Variants in GPHN observed in about 807,000 individuals in gnomAD.
GPHN encodes the protein gephyrin.
In GPHN, 17 loss-of-function variants were observed where a neutral mutation model predicts 95.5. That is an observed-to-expected ratio of 0.18 (90% CI 0.12 to 0.27). The LOEUF (loss-of-function observed/expected upper bound fraction) is 0.27, where lower values mean the gene tolerates loss of function less well. GPHN is among the 10% of genes least tolerant of loss of function. The pLI is 1.00. For synonymous variants in GPHN, 320 were observed against 322.5 expected, an observed-to-expected ratio of 0.99 and a Z score of 0.08; for missense variants, 660 against 978.1, an observed-to-expected ratio of 0.67 and a Z score of 4.34.
chr14:67,511,326 T>C, the GPHN span, among the ~76,000 whole-genome samples: 1 of 149,254 alleles, frequency 6.7e-6, no homozygotes, highest in Non-Finnish European at 1.5e-5. Flanking sequence ...CCTACATTAA[T>C]TGACAGCTGA....
At chr14:66,595,787 C>T in intron 1 of GPHN, among the ~76,000 whole-genome samples, 1 of 127,816 alleles carries the variant, frequency 7.8e-6, no homozygotes, top group African/African-American at 4.3e-5. Context: ...TACAGCTCTT[C>T]TCTCCTTCTT....
chr14:66,575,627 T>C (rs2060870759), intron 1 of GPHN, among the ~76,000 whole-genome samples: 1 of 152,166 alleles, frequency 6.6e-6, no homozygotes, highest in Non-Finnish European at 1.5e-5. Flanking sequence ...CCTGAGCTCA[T>C]AGGAGCCTGC....
At chr14:67,046,681 G>A (rs1339772265) in intron 10 of GPHN, among the ~76,000 whole-genome samples, 1 of 151,860 alleles carries the variant, frequency 6.6e-6, no homozygotes, top group East Asian at 1.9e-4. Context: ...TGCTTTTTTG[G>A]TTTTGTCAGA....
intron 2 of GPHN, among the ~76,000 whole-genome samples, chr14:66,745,907 A>G (rs970971191): frequency 2.3e-4 from 35 of 152,028 alleles, no homozygotes; most frequent in Admixed American, 2.0e-3. Flanking sequence ...TTACATCACT[A>G]TAGTTTGTGT....
intron 1 of GPHN, among the ~76,000 whole-genome samples, chr14:66,563,096 A>G (rs17780370): frequency 0.019 from 2,911 of 152,170 alleles, 38 homozygotes; most frequent in Middle Eastern, 0.034. Context: ...CCTTTAAGGG[A>G]TTTTATTGGT....
chr14:67,226,955 T>C, the GPHN span, among the ~76,000 whole-genome samples: 1 of 152,210 alleles, frequency 6.6e-6, no homozygotes, highest in Non-Finnish European at 1.5e-5. Context: ...CTCTGCCATC[T>C]TTCAATATAA....
intron 2 of GPHN, among the ~76,000 whole-genome samples, chr14:66,757,225 G>C (rs897853323): frequency 3.9e-5 from 6 of 152,052 alleles, no homozygotes; most frequent in Non-Finnish European, 7.4e-5. Flanking sequence ...CCAAGAACTA[G>C]AAGTATTTAT....
intron 4 of GPHN, among the ~76,000 whole-genome samples, chr14:66,861,110 A>T (rs2063005959): frequency 6.6e-6 from 1 of 152,104 alleles, no homozygotes. Context: ...ATGAAAAAAC[A>T]AGACTCAATG....
chr14:66,856,881 T>C (rs1350516754), intron 4 of GPHN, among the ~76,000 whole-genome samples: 1 of 152,100 alleles, frequency 6.6e-6, no homozygotes, highest in Non-Finnish European at 1.5e-5. Flanking sequence ...TCTTGATGTA[T>C]GCCAAAAAGA....
intron 12 of GPHN, among the ~76,000 whole-genome samples, chr14:67,095,836 A>G (rs1431741861): frequency 5.3e-5 from 8 of 151,636 alleles, no homozygotes; most frequent in Admixed American, 3.3e-4. Flanking sequence ...GCTAAATGAC[A>G]AGTTAATGGG....
rs1164432414 is a variant in GPHN, at chr14:66,522,744, T to G, written c.64+14153T>G. 5.3e-5 allele frequency among the ~76,000 whole-genome samples: 8 copies of G among 152,124 alleles called. No individual in the cohort carries two copies. In the Middle Eastern group the frequency reaches 0.017, roughly 323 times the overall value. ...GAAAATTAATTATTTTACCCTGGAT[T>G]TACCTTTAAAATATATAATTTTTTT... On this transcript the variant is annotated intron_variant, in intron 1 of 22. Coordinates refer to ENST00000478722, the MANE Select transcript of GPHN (RefSeq NM_020806.5).
chr14:67,724,819 C>A, the GPHN span, among the ~76,000 whole-genome samples: 828 of 152,302 alleles, frequency 5.4e-3, 5 homozygotes, highest in East Asian at 0.014. Flanking sequence ...AAAACGATGT[C>A]TGTGTATAGC....
chr14:66,827,363 G>A (rs2061424165), intron 4 of GPHN, among the ~76,000 whole-genome samples: 1 of 151,914 alleles, frequency 6.6e-6, no homozygotes, highest in African/African-American at 2.4e-5. Context: ...TATCACTCAG[G>A]AAATTCCCAA....
At chr14:67,122,209 A>G (rs375355785) in intron 16 of GPHN, 47 bp from the exon 17 acceptor site, 16 of 1,598,934 alleles carry the variant, frequency 1.0e-5, no homozygotes, top group Non-Finnish European at 1.4e-5. Flanking sequence ...AGAAATATGC[A>G]ACATTAACCT....
At chr14:66,671,018 A>G (rs1157537253) in intron 1 of GPHN, among the ~76,000 whole-genome samples, 1 of 152,026 alleles carries the variant, frequency 6.6e-6, no homozygotes, top group Non-Finnish European at 1.5e-5. Flanking sequence ...ATAACAGTTT[A>G]GAGTTTATGT....
chr14:67,261,026 C>T, the GPHN span, among the ~76,000 whole-genome samples: 1 of 152,136 alleles, frequency 6.6e-6, no homozygotes, highest in Non-Finnish European at 1.5e-5. Flanking sequence ...TAGCTTTTGA[C>T]ATTGGACAAG....
chr14:67,500,203 C>T, the GPHN span, among the ~76,000 whole-genome samples: 8 of 152,036 alleles, frequency 5.3e-5, no homozygotes, highest in African/African-American at 1.4e-4. Flanking sequence ...AGGCCATATG[C>T]GGTGGCTTAT....
the GPHN span, among the ~76,000 whole-genome samples, chr14:67,664,887 G>A: frequency 6.6e-6 from 1 of 151,824 alleles, no homozygotes; most frequent in Non-Finnish European, 1.5e-5. Flanking sequence ...CTTTTTTTGA[G>A]ACTGTGTCTC....
intron 8 of GPHN, among the ~76,000 whole-genome samples, chr14:66,961,912 A>ATATATATG (rs2068944381): frequency 1.5e-5 from 1 of 68,766 alleles, no homozygotes; most frequent in Non-Finnish European, 3.0e-5. Context: ...ATATATATAT[A>ATATATATG]TATATATATA....
Sources: gnomAD v4.1 joint callset for allele counts (sites outside exome capture counted in the v4.1 genomes callset) on GRCh38, gnomAD v4.1.1 for gene constraint, MANE v1.5 for transcripts, NCBI Gene and HGNC (gene_info 2026-07-23, HGNC 2026-07-21) for gene names.